Variants in EPC1 observed in about 807,000 individuals in gnomAD.
EPC1 encodes enhancer of polycomb homolog 1.
A neutral mutation model predicts 98.4 loss-of-function variants in EPC1; 12 were observed. The ratio of observed to expected loss-of-function variants is 0.12; its 90% CI spans 0.08 to 0.20. EPC1 has a LOEUF of 0.20. Among genes scored for constraint, EPC1 ranks in the 10% least tolerant of loss-of-function variants. The probability of loss-of-function intolerance (pLI) is 1.00; values close to 1 mark genes in which losing one functional copy is unlikely to be tolerated. For missense variants in EPC1, 729 were observed against 990.5 expected, an observed-to-expected ratio of 0.74 and a Z score of 3.54; for synonymous variants, 357 against 363.9, an observed-to-expected ratio of 0.98 and a Z score of 0.21.
In EPC1 at chr10:32,276,176, C is replaced by A. The variant is rs145226811; in HGVS notation, c.1745-2895G>T. Among the ~76,000 whole-genome samples, 710 of 152,216 alleles carry A rather than the reference C, an allele frequency of 4.7e-3. 7 individuals are homozygous for A. The highest frequency in any genetic ancestry group is 0.017 in the Middle Eastern group (5 of 294). On this transcript the variant is annotated intron_variant, in intron 10 of 13. Coordinates refer to ENST00000319778, the MANE Select transcript of EPC1 (RefSeq NM_001272004.3). ...GCTCTATCATAATTAGCTGAGTATT[C>A]CTGAGAAAGTAAATCTTTTGGGACT...
intron 1 of EPC1, among the ~76,000 whole-genome samples, chr10:32,309,789 G>T (rs1165202537): frequency 6.8e-6 from 1 of 148,098 alleles, no homozygotes; most frequent in African/African-American, 2.5e-5. Context: ...TTCCTTATCA[G>T]GTTTCTCATT....
intron 1 of EPC1, among the ~76,000 whole-genome samples, chr10:32,326,857 A>G (rs74426773): frequency 0.025 from 3,862 of 152,176 alleles, 162 homozygotes; most frequent in African/African-American, 0.089. Flanking sequence ...ATTTCACCTC[A>G]CTCAAGTGAG....
intron 1 of EPC1, among the ~76,000 whole-genome samples, chr10:32,313,886 CA>C (rs1322449013): frequency 2.8e-5 from 4 of 145,396 alleles, no homozygotes; most frequent in Non-Finnish European, 4.5e-5. Flanking sequence ...ACTCTGTCTC[CA>C]AAAAAAAATA....
chr10:32,302,207 C>T (rs185539620), intron 2 of EPC1, among the ~76,000 whole-genome samples: 1,988 of 150,752 alleles, frequency 0.013, 50 homozygotes, highest in African/African-American at 0.047. Context: ...CTGCACTGCA[C>T]TCCAGCCTGG....
At chr10:32,375,438 T>C (rs1839851753) in intron 1 of EPC1, among the ~76,000 whole-genome samples, 1 of 152,088 alleles carries the variant, frequency 6.6e-6, no homozygotes, top group Non-Finnish European at 1.5e-5. Flanking sequence ...TACTAATGAA[T>C]GCAAGTTAAT....
intron 9 of EPC1, chr10:32,285,345 T>C: frequency 3.7e-6 from 1 of 270,162 alleles, no homozygotes; most frequent in South Asian, 7.8e-5. Flanking sequence ...AAGCAAAAAC[T>C]TCATTCCTTT....
chr10:32,293,791 C>A, intron 2 of EPC1, 54 bp from the exon 3 acceptor site: 1 of 1,505,812 alleles, frequency 6.6e-7, no homozygotes, highest in South Asian at 1.3e-5. Context: ...CCGACAAAAA[C>A]TCCACAGATG....
chr10:32,305,505 T>G (rs1041825501), intron 2 of EPC1, among the ~76,000 whole-genome samples: 3 of 152,080 alleles, frequency 2.0e-5, no homozygotes, highest in Non-Finnish European at 4.4e-5. Flanking sequence ...ATCTGAGTTT[T>G]TTTTTTTTTT....
At position 32,285,197 on chromosome 10, in the gene EPC1, GT is replaced by G. The variant is rs769939766; in HGVS notation, c.1392-148del. 1.0e-3 allele frequency: 608 copies of G among 583,658 alleles called. 1 individual carries two copies. The highest frequency in any genetic ancestry group is 1.5e-3 in the Non-Finnish European group (516 of 347,014). The allele number at this position is 583,658 out of a possible 1,614,324, so 36.2% of individuals were successfully genotyped here. ...TTAAAGTTGATTATTTTAGTGTTTG[GT>G]TTTTATAGGCTACAACCTCAATTTC... On this transcript the variant is annotated intron_variant, in intron 9 of 13. Transcript: ENST00000319778.
At position 32,272,382 on chromosome 10, in the gene EPC1, G is replaced by T; in HGVS notation, c.1864-215C>A. 3 of 477,404 alleles carry T rather than the reference G, an allele frequency of 6.3e-6. No individual in the cohort carries two copies. The East Asian group carries it at 1.0e-4, about 16-fold the overall frequency. 29.6% of individuals were successfully genotyped at this position (477,404 alleles called of 1,614,324 possible). A position where few individuals can be genotyped will look rare whatever the true frequency, so the allele number is the denominator to read the frequency against. ...AAAAGTAATCTAAGTTATAAATTTT[G>T]CTTCATATGTGACAATATATAATAT... On this transcript the variant is annotated intron_variant, in intron 11 of 13. Transcript: ENST00000319778.
In EPC1 at chr10:32,276,167, C is replaced by G. The variant is rs539095829; in HGVS notation, c.1745-2886G>C. The stretch of plus-strand genomic sequence containing the variant: ...TAGTCCTCAGCTCTATCATAATTAG[C>G]TGAGTATTCCTGAGAAAGTAAATCT... On this transcript the variant is annotated intron_variant, in intron 10 of 13. Transcript: ENST00000319778. Among the ~76,000 whole-genome samples, 231 of 152,258 alleles carry G rather than the reference C, an allele frequency of 1.5e-3. 1 individual carries two copies. The highest frequency in any genetic ancestry group is 2.7e-3 in the Admixed American group (42 of 15,296).
intron 1 of EPC1, among the ~76,000 whole-genome samples, chr10:32,356,862 T>G (rs188088815): frequency 1.3e-5 from 2 of 152,074 alleles, no homozygotes; most frequent in Non-Finnish European, 2.9e-5. Context: ...TGGGCACCTG[T>G]AGTCCCAACT....
Position 32,346,087 on chromosome 10 carries a change from G to A in EPC1, c.153+676C>T, listed in dbSNP as rs558988637. Among the ~76,000 whole-genome samples, 17 of 152,350 alleles carry A rather than the reference G, an allele frequency of 1.1e-4. No homozygotes were observed. In the South Asian group the frequency reaches 2.5e-3, roughly 22 times the overall value. The stretch of plus-strand genomic sequence containing the variant: ...ACGTCCCAGAAAGAGGACACTGAAA[G>A]TAAGTCTTATCTTCTAGAAAAGTAA... On this transcript the variant is annotated intron_variant, in intron 1 of 13. Transcript: ENST00000319778.
chr10:32,283,380 G>C (rs1592543735), intron 10 of EPC1: 1 of 152,138 alleles, frequency 6.6e-6, no homozygotes, highest in African/African-American at 2.4e-5. Context: ...GCAGTGGCAT[G>C]ATCTTGGCTC....
At chr10:32,296,489 G>T (rs1267854224) in intron 2 of EPC1, among the ~76,000 whole-genome samples, 1 of 152,168 alleles carries the variant, frequency 6.6e-6, no homozygotes, top group East Asian at 1.9e-4. Context: ...GACTGAAAAG[G>T]ATGATTTCTA....
chr10:32,310,025 T>C (rs11593518), intron 1 of EPC1, among the ~76,000 whole-genome samples: 23,714 of 151,490 alleles, frequency 0.16, 2,125 homozygotes, highest in South Asian at 0.33. Context: ...TGAAACCCCG[T>C]CTCTACTAAA....
At chr10:32,377,114 T>G (rs745650492) in intron 1 of EPC1, 1 of 152,190 alleles carries the variant, frequency 6.6e-6, no homozygotes, top group Non-Finnish European at 1.5e-5. Flanking sequence ...AACATCAAAA[T>G]TTTTAAAGCC....
chr10:32,305,799 T>G lies in EPC1; in HGVS notation c.286A>C (p.Met96Leu), dbSNP rs1185254747. ...TGTATGTGAATGAGCTGCTTTGGCA[T>G]CTTAAATTCCCCAGGATATATAGAC... ...YESIYPGEFK[M>L]PKQLIHIQPF... is the part of the protein sequence containing the mutation. Residue 96 changes from methionine (M) to leucine (L), a missense_variant, in exon 2 of 14, where the codon ATG becomes CTG. Around this residue, in one of 6 missense-constraint regions of EPC1, gnomAD observed 94 missense variants for 125.1 expected, o/e 0.75. Coordinates refer to ENST00000319778, the MANE Select transcript of EPC1 (RefSeq NM_001272004.3). 1 of 1,604,620 alleles carries G rather than the reference T, an allele frequency of 6.2e-7. No homozygotes were observed. The highest frequency in any genetic ancestry group is 2.3e-5 in the East Asian group (1 of 44,346).
chr10:32,298,348 A>G (rs1835294604), intron 2 of EPC1, among the ~76,000 whole-genome samples: 1 of 152,204 alleles, frequency 6.6e-6, no homozygotes, highest in Admixed American at 6.5e-5. Context: ...ACAGGAAACA[A>G]ATAGTGAAAG....
Sources: allele counts gnomAD v4.1 joint callset (sites outside exome capture counted in the v4.1 genomes callset), GRCh38; gene constraint gnomAD v4.1.1; regional missense constraint gnomAD v4.1.1; transcripts MANE v1.5; gene names NCBI Gene and HGNC (gene_info 2026-07-23, HGNC 2026-07-21).